The following PGM2L1 variants were observed in gnomAD, a reference collection of about 807,000 sequenced individuals.
The protein encoded by PGM2L1 is glucose 1,6-bisphosphate synthase.
In PGM2L1, 35 loss-of-function variants were observed where a neutral mutation model predicts 73.4. That is an observed-to-expected ratio of 0.48 (90% CI 0.36 to 0.63). The LOEUF (loss-of-function observed/expected upper bound fraction) is 0.63. Ranked by LOEUF, PGM2L1 falls within the 30% of genes least tolerant of loss-of-function variation. The pLI is 0.00. For synonymous variants in PGM2L1, 225 were observed against 253.8 expected (o/e 0.89, Z 1.08); for missense variants, 570 against 742.0 (o/e 0.77, Z 2.69).
At chr11:74,354,626 A>AT in intron 5 of PGM2L1, 1 of 1,147,152 alleles carries the variant, frequency 8.7e-7, no homozygotes, top group African/African-American at 1.5e-5. Flanking sequence ...TTTGTCACAT[A>AT]TGCCACTGTG....
chr11:74,351,349 G>T, intron 6 of PGM2L1, 34 bp downstream of exon 6: 3 of 1,543,570 alleles, frequency 1.9e-6, no homozygotes, highest in Non-Finnish European at 2.7e-6. Flanking sequence ...ACGTTATTCT[G>T]AAGTAGTATT....
intron 1 of PGM2L1, among the ~76,000 whole-genome samples, chr11:74,377,277 G>C (rs1191645922): frequency 6.6e-6 from 1 of 151,984 alleles, no homozygotes; most frequent in Non-Finnish European, 1.5e-5. Flanking sequence ...TGGACTACAG[G>C]CGCCCGCCAC....
At chr11:74,351,237 G>T in intron 6 of PGM2L1, 146 bp downstream of exon 6, 2 of 706,408 alleles carry the variant, frequency 2.8e-6, no homozygotes, top group South Asian at 2.1e-5. Flanking sequence ...TGGTTACTTG[G>T]GTTATTTCCA....
chr11:74,345,670 C>T (rs776032917), intron 8 of PGM2L1, 21 bp from the exon 9 acceptor site: 16 of 1,604,272 alleles, frequency 1.0e-5, no homozygotes, highest in East Asian at 2.2e-5. Context: ...AAGGAAAATA[C>T]AATGTCAAGA....
rs1022352970 is a variant in PGM2L1, at chr11:74,330,324, G to A, written c.*6328C>T. The A allele has an allele frequency of 6.6e-6, 1 of 152,608 alleles. No individual in the cohort carries two copies. The highest frequency in any genetic ancestry group is 2.4e-5 in the African/African-American group (1 of 41,426). 9.5% of individuals were successfully genotyped at this position (152,608 alleles called of 1,614,324 possible). A position where few individuals can be genotyped will look rare whatever the true frequency, so the allele number is the denominator to read the frequency against. The stretch of plus-strand genomic sequence containing the variant: ...TTACACAGAAACTCATGCCTATGAA[G>A]AGACCTGTTTATTACTGATAACACT... On this transcript the variant is annotated 3_prime_UTR_variant, in exon 14 of 14. Coordinates refer to ENST00000298198, the MANE Select transcript of PGM2L1 (RefSeq NM_173582.6).
At chr11:74,391,555 A>T (rs1863102189) in intron 1 of PGM2L1, among the ~76,000 whole-genome samples, 1 of 151,850 alleles carries the variant, frequency 6.6e-6, no homozygotes, top group Admixed American at 6.6e-5. Flanking sequence ...CCAAGAGCTC[A>T]TTATTGTTTC....
chr11:74,386,436 C>T (rs1446979837), intron 1 of PGM2L1, among the ~76,000 whole-genome samples: 1 of 151,142 alleles, frequency 6.6e-6, no homozygotes, highest in Non-Finnish European at 1.5e-5. Flanking sequence ...CATTGGTGCA[C>T]ACTCTCTGTA....
At chr11:74,363,905 A>G (rs1235487109) in intron 5 of PGM2L1, among the ~76,000 whole-genome samples, 1 of 152,184 alleles carries the variant, frequency 6.6e-6, no homozygotes. Context: ...CAGAGACACA[A>G]CAAAAAAAAA....
At position 74,398,417 on chromosome 11, in the gene PGM2L1, GAAC is replaced by G. The variant is rs1356868609; in HGVS notation, c.-259_-257del. The G allele has an allele frequency of 3.3e-5, 14 of 428,774 alleles. No individual in the cohort carries two copies. In the South Asian group the frequency reaches 5.7e-4, roughly 18 times the overall value. The allele number at this position is 428,774 out of a possible 1,614,324, so 26.6% of individuals were successfully genotyped here. A position where few individuals can be genotyped will look rare whatever the true frequency, so the allele number is the denominator to read the frequency against. ...TGACTGAGGCGGTCGCGCCGCGAGA[GAAC>G]AACAGTCCCAGATGTCTGGGTCCTG... On this transcript the variant is annotated 5_prime_UTR_variant, in exon 1 of 14. Transcript: ENST00000298198.
At chr11:74,354,900 T>G in intron 5 of PGM2L1, 2 of 859,098 alleles carry the variant, frequency 2.3e-6, no homozygotes, top group Non-Finnish European at 4.0e-6. Flanking sequence ...CTTTGTAACC[T>G]TTGATGACCA....
In PGM2L1 at chr11:74,398,217, G is replaced by T; in HGVS notation, c.-56C>A. ...CGGCGAAGACACTGAGTTGGGGTGG[G>T]GGGTGGCTTGGGGTTCGCTCACCAG... On this transcript the variant is annotated 5_prime_UTR_variant, in exon 1 of 14. Transcript: ENST00000298198. 1 of 1,549,000 alleles carries T rather than the reference G, an allele frequency of 6.5e-7. No homozygotes were observed. Among genetic ancestry groups the T allele is most frequent in the Non-Finnish European group, 8.7e-7 (1 of 1,146,984 alleles).
At chr11:74,371,021 T>C (rs753734225) in intron 3 of PGM2L1, 35 bp from the exon 4 acceptor site, 6 of 1,557,580 alleles carry the variant, frequency 3.9e-6, no homozygotes, top group Non-Finnish European at 5.3e-6. Context: ...GTCCTTTGCC[T>C]ACCATACTTT....
At chr11:74,366,074 A>C (rs539112301) in intron 5 of PGM2L1, among the ~76,000 whole-genome samples, 1 of 152,286 alleles carries the variant, frequency 6.6e-6, no homozygotes, top group Admixed American at 6.5e-5. Flanking sequence ...GACATGGATG[A>C]AGCTGGAAAC....
intron 5 of PGM2L1, 105 bp downstream of exon 5, chr11:74,368,386 CA>C: frequency 1.1e-6 from 1 of 920,440 alleles, no homozygotes; most frequent in Non-Finnish European, 1.7e-6. Flanking sequence ...TTTCTGTTCC[CA>C]ATGTCTAGCT....
At chr11:74,377,424 C>T (rs1211875303) in intron 1 of PGM2L1, among the ~76,000 whole-genome samples, 6 of 151,968 alleles carry the variant, frequency 3.9e-5, no homozygotes, top group Admixed American at 3.9e-4. Flanking sequence ...TGAGCCACCG[C>T]GCCGGCCAAC....
chr11:74,394,482 C>A (rs143131471), intron 1 of PGM2L1, among the ~76,000 whole-genome samples: 1 of 152,104 alleles, frequency 6.6e-6, no homozygotes, highest in Non-Finnish European at 1.5e-5. Context: ...ATGGAGTACC[C>A]CAAACTGCCC....
intron 5 of PGM2L1, among the ~76,000 whole-genome samples, chr11:74,366,459 TA>T (rs60427823): frequency 0.55 from 78,656 of 143,158 alleles, 23,003 homozygotes; most frequent in East Asian, 0.8. Flanking sequence ...CCCCATCTCT[TA>T]AAAAAAAAAA....
intron 1 of PGM2L1, among the ~76,000 whole-genome samples, chr11:74,376,785 G>C (rs1166986187): frequency 1.3e-5 from 2 of 151,892 alleles, no homozygotes; most frequent in African/African-American, 4.8e-5. Context: ...TGAAAAACTG[G>C]TAAGTTAGAG....
intron 1 of PGM2L1, among the ~76,000 whole-genome samples, chr11:74,375,141 T>C (rs1862837143): frequency 6.6e-6 from 1 of 152,202 alleles, no homozygotes; most frequent in Non-Finnish European, 1.5e-5. Context: ...TCCTTAAAAA[T>C]CACAGAAAAC....
Sources: gnomAD v4.1 joint callset for allele counts (sites outside exome capture counted in the v4.1 genomes callset) on GRCh38, gnomAD v4.1.1 for gene constraint, MANE v1.5 for transcripts, NCBI Gene and HGNC (gene_info 2026-07-23, HGNC 2026-07-21) for gene names.